Variants in TTLL9 observed in about 807,000 individuals in gnomAD.
The protein encoded by TTLL9 is tubulin tyrosine ligase like 9.
TTLL9 carries 47 observed loss-of-function variants against 65.6 expected under a neutral mutation model. That is an observed-to-expected ratio of 0.72 (90% CI 0.57 to 0.91). The LOEUF (loss-of-function observed/expected upper bound fraction) is 0.91. TTLL9 is among the 40% of genes least tolerant of loss of function. The pLI, the probability that TTLL9 is intolerant of heterozygous loss-of-function variation, is 0.00. For missense variants in TTLL9, 537 were observed against 568.8 expected (o/e 0.94, Z 0.57); for synonymous variants, 179 against 204.8 (o/e 0.87, Z 1.07).
chr20:31,880,154 C>G (rs1209910851), intron 2 of TTLL9, among the ~76,000 whole-genome samples: 1 of 152,196 alleles, frequency 6.6e-6, no homozygotes, highest in Non-Finnish European at 1.5e-5. Context: ...CGAGCCCGGC[C>G]AGCTGGCGGG....
Position 31,943,765 on chromosome 20 carries a change from G to C in TTLL9, c.*744G>C. 2.2e-6 allele frequency: 1 copy of C among 456,714 alleles called. No homozygotes were observed. The highest frequency in any genetic ancestry group is 4.4e-6 in the Non-Finnish European group (1 of 226,974). 28.3% of individuals were successfully genotyped at this position (456,714 alleles called of 1,614,324 possible). ...GATGGGTGACTTAAGTGCTTCTCTA[G>C]GCCTTGTGTTTGAGATTGGGAGCTG... is the stretch of plus-strand genomic sequence containing the variant. On this transcript the variant is annotated 3_prime_UTR_variant, in exon 15 of 15. Coordinates refer to ENST00000535842, the MANE Select transcript of TTLL9 (RefSeq NM_001008409.5).
At chr20:31,921,326 G>A (rs2063813009) in intron 7 of TTLL9, among the ~76,000 whole-genome samples, 1 of 152,204 alleles carries the variant, frequency 6.6e-6, no homozygotes, top group Non-Finnish European at 1.5e-5. Flanking sequence ...GGAAACAACA[G>A]GTGCTGGAGA....
chr20:31,898,406 T>C, intron 3 of TTLL9, 67 bp from the exon 4 acceptor site: 1 of 1,418,994 alleles, frequency 7.0e-7, no homozygotes, highest in Non-Finnish European at 9.9e-7. Context: ...CCTCCTTTTT[T>C]CCTCTCCTTG....
intron 4 of TTLL9, among the ~76,000 whole-genome samples, chr20:31,900,397 A>T (rs2063460888): frequency 6.6e-6 from 1 of 152,170 alleles, no homozygotes; most frequent in African/African-American, 2.4e-5. Flanking sequence ...ATTTGCATTG[A>T]GTCTGCTGTC....
chr20:31,936,163 G>A (rs2064106118), intron 12 of TTLL9, among the ~76,000 whole-genome samples: 1 of 152,192 alleles, frequency 6.6e-6, no homozygotes, highest in African/African-American at 2.4e-5. Flanking sequence ...AAAGGATGGG[G>A]TTGAACAAGA....
Position 31,943,317 on chromosome 20 carries a change from T to C in TTLL9, c.*296T>C. The C allele has an allele frequency of 2.2e-6, 1 of 462,872 alleles. No individual in the cohort carries two copies. Among genetic ancestry groups the C allele is most frequent in the East Asian group, 4.2e-5 (1 of 23,996 alleles). The allele number at this position is 462,872 out of a possible 1,614,324, so 28.7% of individuals were successfully genotyped here. A position where few individuals can be genotyped will look rare whatever the true frequency, so the allele number is the denominator to read the frequency against. ...AGAGAACAAATACAGCAAGTTCTGC[T>C]ACCCCCAGGAGATCATATCTAATAA... On this transcript the variant is annotated 3_prime_UTR_variant, in exon 15 of 15. Coordinates refer to ENST00000535842, the MANE Select transcript of TTLL9 (RefSeq NM_001008409.5).
chr20:31,920,229 G>GCGCACA lies in TTLL9; in HGVS notation c.573+298_573+299insGCACAC, dbSNP rs113675372. Reference sequence around the variant, plus strand: ...GCAGTGAGCTAATAAGCAAACACGCGCACACACACACACACACACACATTC... The same window carrying GCGCACA: ...GCAGTGAGCTAATAAGCAAACACGCGCGCACACACACACACACACACACACACATTC... On this transcript the variant is annotated intron_variant, in intron 7 of 14. Transcript: ENST00000535842. Among the ~76,000 whole-genome samples, 19 of 150,530 alleles carry GCGCACA rather than the reference G, an allele frequency of 1.3e-4. No individual in the cohort carries two copies. The East Asian group carries it at 2.2e-3, about 17-fold the overall frequency.
chr20:31,929,874 A>G, intron 10 of TTLL9, among the ~76,000 whole-genome samples: 1 of 152,172 alleles, frequency 6.6e-6, no homozygotes, highest in East Asian at 1.9e-4. Flanking sequence ...CACGCCTGTA[A>G]TCCTAGCACT....
At chr20:31,888,893 A>G (rs1043509082) in intron 3 of TTLL9, among the ~76,000 whole-genome samples, 1 of 152,066 alleles carries the variant, frequency 6.6e-6, no homozygotes, top group Admixed American at 6.6e-5. Flanking sequence ...GATGTTGCCA[A>G]ACCATTCATG....
chr20:31,915,597 A>G (rs1381298499), intron 6 of TTLL9, among the ~76,000 whole-genome samples: 1 of 152,144 alleles, frequency 6.6e-6, no homozygotes, highest in East Asian at 1.9e-4. Context: ...ACTTTTCAAG[A>G]GGTATATGAG....
rs529716218 is a variant in TTLL9, at chr20:31,909,252, C to T, written c.319-485C>T. On this transcript the variant is annotated intron_variant, in intron 5 of 14. Transcript: ENST00000535842. ...CTGGGTTCAAGTGATTCTTCTGCCTCAGCCTCCCAAGTAGCTGAGTAGCTG... is the reference window on the plus strand; with the variant it reads ...CTGGGTTCAAGTGATTCTTCTGCCTTAGCCTCCCAAGTAGCTGAGTAGCTG... Among the ~76,000 whole-genome samples the T allele has an allele frequency of 6.7e-5, 10 of 149,882 alleles. No individual in the cohort carries two copies. In the South Asian group the frequency reaches 1.1e-3, roughly 16 times the overall value.
chr20:31,878,316 T>C (rs747800101), intron 2 of TTLL9, among the ~76,000 whole-genome samples: 1 of 152,252 alleles, frequency 6.6e-6, no homozygotes, highest in African/African-American at 2.4e-5. Context: ...GGATATTGTG[T>C]AGGCAACTAG....
intron 13 of TTLL9, chr20:31,938,109 C>CCTCCCTCCCTCTCCCT (rs2064146992): frequency 1.0e-5 from 3 of 295,318 alleles, no homozygotes; most frequent in African/African-American, 8.6e-5. Context: ...TCTCCCTCTC[C>CCTCCCTCCCTCTCCCT]CTCCCTCCCT....
Position 31,898,487 on chromosome 20 carries a change from C to G in TTLL9, c.128C>G (p.Ser43Trp). The change falls in exon 4 of 15, where the codon TCG becomes TGG. Residue 43 changes from serine to tryptophan, a missense_variant. Physicochemically the swap from Ser to Trp is radical, Grantham distance 177 (BLOSUM62 -3). This residue lies in a region of TTLL9 where 320 missense variants were observed against 311.0 expected (regional missense o/e 1.03). Transcript: ENST00000535842. ...SKGKEREQRA[S>W]IRFKTTLMNT... ...TTGTCTTGCAGAGAGCAGAGAGCAT[C>G]GATCCGGTTCAAGACCACCCTCATG... is the stretch of plus-strand genomic sequence containing the variant. 1 of 1,614,154 alleles carries G rather than the reference C, an allele frequency of 6.2e-7. No individual in the cohort carries two copies.
chr20:31,891,825 T>A (rs1244552492), intron 3 of TTLL9, among the ~76,000 whole-genome samples: 2 of 152,204 alleles, frequency 1.3e-5, no homozygotes, highest in African/African-American at 4.8e-5. Context: ...ATTTTTGAGA[T>A]GGAGTCTCAC....
intron 4 of TTLL9, among the ~76,000 whole-genome samples, chr20:31,900,581 A>G (rs1257560637): frequency 2.3e-4 from 35 of 152,178 alleles, no homozygotes. Flanking sequence ...TCTTCTCTTT[A>G]GGGCTTTGGG....
intron 8 of TTLL9, 102 bp downstream of exon 8, chr20:31,923,155 A>G (rs978369382): frequency 3.5e-6 from 3 of 859,314 alleles, no homozygotes; most frequent in African/African-American, 3.4e-5. Context: ...GCCTGACACC[A>G]GGCATGAAGG....
chr20:31,934,293 A>G (rs2064069808), intron 11 of TTLL9: 1 of 512,532 alleles, frequency 2.0e-6, no homozygotes, highest in African/African-American at 1.9e-5. Context: ...TCCCCAGCTC[A>G]CACCTGTTCC....
intron 3 of TTLL9, among the ~76,000 whole-genome samples, chr20:31,894,664 A>G (rs937041851): frequency 6.6e-5 from 10 of 152,046 alleles, no homozygotes. Flanking sequence ...TAGTCTTTAT[A>G]TACATATACA....
Sources: gnomAD v4.1 joint callset for allele counts (sites outside exome capture counted in the v4.1 genomes callset) on GRCh38, gnomAD v4.1.1 for gene constraint, gnomAD v4.1.1 regional missense constraint, MANE v1.5 for transcripts, NCBI Gene and HGNC (gene_info 2026-07-23, HGNC 2026-07-21) for gene names.